Variants in RTCA observed in about 807,000 individuals in gnomAD.
RTCA encodes the protein RNA 3'-terminal phosphate cyclase, also known as RNA terminal phosphate cyclase domain 1.
A neutral mutation model predicts 46.1 loss-of-function variants in RTCA; 37 were observed. The observed-to-expected ratio is 0.80, with a 90% CI of 0.62 to 1.06. The LOEUF is 1.06. Ranked by LOEUF, RTCA falls within the 50% of genes least tolerant of loss-of-function variation. The pLI, the probability that RTCA is intolerant of heterozygous loss-of-function variation, is 0.00. For missense variants in RTCA, 435 were observed against 455.5 expected, an observed-to-expected ratio of 0.95 and a Z score of 0.41; for synonymous variants, 164 against 158.3, an observed-to-expected ratio of 1.04 and a Z score of -0.27.
intron 9 of RTCA, 81 bp from the exon 10 acceptor site, chr1:100,287,015 GTAT>G (rs760141497): frequency 2.6e-5 from 23 of 883,020 alleles, no homozygotes; most frequent in Non-Finnish European, 3.8e-5. Flanking sequence ...ATTTCTAGTA[GTAT>G]TTTTATTATG....
chr1:100,276,120 C>T (rs1181837971), intron 7 of RTCA, among the ~76,000 whole-genome samples: 1 of 152,094 alleles, frequency 6.6e-6, no homozygotes, highest in Admixed American at 6.5e-5. Context: ...CAGGCATGAG[C>T]CACTGTGCCC....
chr1:100,273,066 C>T (rs1357342265), intron 4 of RTCA, among the ~76,000 whole-genome samples: 1 of 152,106 alleles, frequency 6.6e-6, no homozygotes, highest in East Asian at 1.9e-4. Flanking sequence ...ACCAATACCC[C>T]CTCATTTCTT....
At chr1:100,274,222 G>A (rs1206841864) in intron 5 of RTCA, among the ~76,000 whole-genome samples, 1 of 152,146 alleles carries the variant, frequency 6.6e-6, no homozygotes, top group Non-Finnish European at 1.5e-5. Context: ...AGTGTGTGGA[G>A]CCATCTCCCT....
chr1:100,281,409 A>T (rs182887234), intron 8 of RTCA: 33 of 455,134 alleles, frequency 7.3e-5, no homozygotes, highest in African/African-American at 6.3e-4. Flanking sequence ...GGCTTTCCTT[A>T]TCTGAAAAAT....
At chr1:100,270,798 C>G in intron 4 of RTCA, 118 bp downstream of exon 4, 1 of 1,203,950 alleles carries the variant, frequency 8.3e-7, no homozygotes, top group Non-Finnish European at 1.2e-6. Flanking sequence ...TTCATGGTGT[C>G]TTTTCTTTCT....
chr1:100,286,068 T>C (rs1430045016), intron 9 of RTCA, among the ~76,000 whole-genome samples: 2 of 152,152 alleles, frequency 1.3e-5, no homozygotes, highest in Admixed American at 6.5e-5. Flanking sequence ...CAAATTTATA[T>C]CCGAAGCCCA....
chr1:100,274,493 A>G (rs1255556066), intron 5 of RTCA, among the ~76,000 whole-genome samples: 2 of 152,210 alleles, frequency 1.3e-5, no homozygotes, highest in African/African-American at 4.8e-5. Flanking sequence ...GCATTGGGGT[A>G]TATGTTCCAT....
intron 3 of RTCA, among the ~76,000 whole-genome samples, chr1:100,270,347 A>G (rs4579779): frequency 0.72 from 109,969 of 152,126 alleles, 43,169 homozygotes; most frequent in East Asian, 0.94. Flanking sequence ...CTATTTTTCT[A>G]TGGTGAAATA....
chr1:100,270,026 T>C (rs1665996996), intron 3 of RTCA, among the ~76,000 whole-genome samples: 1 of 152,222 alleles, frequency 6.6e-6, no homozygotes, highest in African/African-American at 2.4e-5. Context: ...TCATTCTCTT[T>C]TATGGCTGCG....
Position 100,291,423 on chromosome 1 carries a change from A to G in RTCA, c.1020A>G (p.Lys340=). The G allele has an allele frequency of 6.2e-7, 1 of 1,611,162 alleles. No homozygotes were observed. The highest frequency in any genetic ancestry group is 1.7e-4 in the Middle Eastern group (1 of 5,954). Residue 340 remains lysine, a synonymous_variant, in exon 11 of 11, where the codon AAA becomes AAG. Coordinates refer to ENST00000370128, the MANE Select transcript of RTCA (RefSeq NM_003729.4). ...QIAKAKFIVK[K]SEDEEDAAKD... is the part of the protein sequence containing the mutation. The stretch of plus-strand genomic sequence containing the variant: ...TTCAGGCTAAATTTATTGTGAAGAA[A>G]TCAGAAGATGAAGAAGACGCCGCTA...
chr1:100,268,094 ATG>A, intron 2 of RTCA, 56 bp from the exon 3 acceptor site: 2 of 1,580,930 alleles, frequency 1.3e-6, no homozygotes, highest in Non-Finnish European at 1.7e-6. Flanking sequence ...TTGTCATAAA[ATG>A]TGGGGATGTA....
At chr1:100,284,004 A>G (rs1251278042) in intron 8 of RTCA, among the ~76,000 whole-genome samples, 3 of 150,322 alleles carry the variant, frequency 2.0e-5, no homozygotes, top group African/African-American at 7.3e-5. Context: ...AAATTCTACA[A>G]TTTCCACTTT....
intron 8 of RTCA, among the ~76,000 whole-genome samples, chr1:100,282,827 A>C (rs902031037): frequency 6.6e-6 from 1 of 152,198 alleles, no homozygotes; most frequent in South Asian, 2.1e-4. Flanking sequence ...ATTTATTGAG[A>C]TGGGAGTCTT....
rs1665757446 is a variant in RTCA, at chr1:100,266,229, G to A, written c.-147G>A. 2 of 933,436 alleles carry A rather than the reference G, an allele frequency of 2.1e-6. No individual in the cohort carries two copies. The highest frequency in any genetic ancestry group is 5.6e-5 in the Admixed American group (2 of 35,562). 57.8% of individuals were successfully genotyped at this position (933,436 alleles called of 1,614,324 possible). On this transcript the variant is annotated 5_prime_UTR_variant, in exon 1 of 11. Coordinates refer to ENST00000370128, the MANE Select transcript of RTCA (RefSeq NM_003729.4). Reference sequence around the variant, plus strand: ...TCTGCTGACTCCAGTGTCCCGAGAGGCGCCGCTTCTTCCGCTTTCTCGTCA... The same window carrying A: ...TCTGCTGACTCCAGTGTCCCGAGAGACGCCGCTTCTTCCGCTTTCTCGTCA...
intron 5 of RTCA, among the ~76,000 whole-genome samples, chr1:100,273,863 G>A (rs1486799149): frequency 6.6e-6 from 1 of 152,100 alleles, no homozygotes; most frequent in African/African-American, 2.4e-5. Flanking sequence ...TCTCTTTAAG[G>A]CTTCCCTTCT....
At position 100,291,559 on chromosome 1, in the gene RTCA, CTATAAAATAA is replaced by C; in HGVS notation, c.*57_*66del. 9.5e-7 allele frequency: 1 copy of C among 1,048,628 alleles called. No individual in the cohort carries two copies. The highest frequency in any genetic ancestry group is 1.4e-6 in the Non-Finnish European group (1 of 699,134). The allele number at this position is 1,048,628 out of a possible 1,614,324, so 65.0% of individuals were successfully genotyped here. A position where few individuals can be genotyped will look rare whatever the true frequency, so the allele number is the denominator to read the frequency against. ...GATATATTGCACTATTTCATAAATA[CTATAAAATAA>C]TGACTAGGAAGTAACTTATTAAAGG... is the stretch of plus-strand genomic sequence containing the variant. On this transcript the variant is annotated 3_prime_UTR_variant, in exon 11 of 11. Coordinates refer to ENST00000370128, the MANE Select transcript of RTCA (RefSeq NM_003729.4).
rs770010609 is a variant in RTCA, at chr1:100,275,611, A to G, written c.628A>G (p.Met210Val). 4 of 1,606,782 alleles carry G rather than the reference A, an allele frequency of 2.5e-6. No individual in the cohort carries two copies. The highest frequency in any genetic ancestry group is 1.3e-5 in the African/African-American group (1 of 74,816). The change falls in exon 7 of 11, where the codon ATG becomes GTG. Residue 210 changes from methionine (M) to valine (V), a missense_variant. Physicochemically the swap from Met to Val is conservative, Grantham distance 21. Transcript: ENST00000370128. ...GVLPFKVAKDMAAAAVRCIRK... is the reference protein window; with the variant it reads ...GVLPFKVAKDVAAAAVRCIRK... ...CTTGCTAAAATAGGTAGCAAAAGAT[A>G]TGGCAGCGGCAGCAGTTAGATGCAT...
Position 100,287,192 on chromosome 1 carries a change from C to A in RTCA, c.988C>A (p.Gln330Lys). 1 of 1,568,364 alleles carries A rather than the reference C, an allele frequency of 6.4e-7. No individual in the cohort carries two copies. ...HTQTAIHFAE[Q>K]IAKAKFIVKK... ...GCAAACCGCGATACATTTTGCTGAA[C>A]AAATAGCAAAGGTGAGTATTCTATC... Residue 330 changes from glutamine to lysine, a missense_variant, in exon 10 of 11, where the codon CAA becomes AAA. Coordinates refer to ENST00000370128, the MANE Select transcript of RTCA (RefSeq NM_003729.4).
rs111666389 is a variant in RTCA at position 100,288,538 on chromosome 1, T to C, written c.999+1335T>C. Among the ~76,000 whole-genome samples, 1,377 of 151,032 alleles carry C rather than the reference T, an allele frequency of 9.1e-3. 26 individuals are homozygous for C. The highest frequency in any genetic ancestry group is 0.033 in the African/African-American group (1,337 of 41,128). ...TCCCAAGTAGCTGGGGCTACGGGAG[T>C]GTGCCACCACACCTGGCTAATTTTT... On this transcript the variant is annotated intron_variant, in intron 10 of 10. Coordinates refer to ENST00000370128, the MANE Select transcript of RTCA (RefSeq NM_003729.4).
Sources: gnomAD v4.1 joint callset for allele counts (sites outside exome capture counted in the v4.1 genomes callset) on GRCh38, gnomAD v4.1.1 for gene constraint, MANE v1.5 for transcripts, NCBI Gene and HGNC (gene_info 2026-07-23, HGNC 2026-07-21) for gene names.